Variants in ERV3-1 observed in about 807,000 individuals in gnomAD.
ERV3-1 encodes the protein endogenous retrovirus group 3 member 1, envelope.
ERV3-1 carries 36 observed loss-of-function variants against 24.6 expected under a neutral mutation model. The ratio of observed to expected loss-of-function variants is 1.47; its 90% confidence interval spans 1.12 to 1.94. The LOEUF (loss-of-function observed/expected upper bound fraction) is 1.94, where lower values mean the gene tolerates loss of function less well. Among genes scored for constraint, ERV3-1 ranks in the 30% most tolerant of loss-of-function variants. The pLI is 0.00. For synonymous variants in ERV3-1, 211 were observed against 122.6 expected, an observed-to-expected ratio of 1.72 and a Z score of -4.76; for missense variants, 578 against 330.9, an observed-to-expected ratio of 1.75 and a Z score of -5.79.
chr7:64,995,589 C>G (rs895503757), intron 1 of ERV3-1, among the ~76,000 whole-genome samples: 2 of 152,178 alleles, frequency 1.3e-5, no homozygotes, highest in East Asian at 3.9e-4. Context: ...CCCTGCTGCC[C>G]CTAAGAATTC....
rs146918419 is a variant in ERV3-1 at position 64,999,459 on chromosome 7, G to A, written c.-388-6045C>T. On this transcript the variant is annotated intron_variant, in intron 1 of 1. Transcript: ENST00000394323. ...AGGCTGAGCCCTGAACAATGACAGGGCTTGACTTTTATACATGCAACCAAC... is the reference window on the plus strand; with the variant it reads ...AGGCTGAGCCCTGAACAATGACAGGACTTGACTTTTATACATGCAACCAAC... 4.3e-3 allele frequency among the ~76,000 whole-genome samples: 657 copies of A among 152,332 alleles called. 6 individuals carry two copies. Among genetic ancestry groups the A allele is most frequent in the Middle Eastern group, 0.02 (6 of 294 alleles).
In ERV3-1 at chr7:65,006,685, G is replaced by T. The variant is rs1786660263; in HGVS notation, c.-533C>A. On this transcript the variant is annotated 5_prime_UTR_variant, in exon 1 of 2. Coordinates refer to ENST00000394323, the MANE Select transcript of ERV3-1 (RefSeq NM_001007253.4). Reference sequence around the variant, plus strand: ...ACCAGAAGCTCCGGCTGCCGCCAGAGACAAAGGCCCCACCAAACCCGGAAG... The same window carrying T: ...ACCAGAAGCTCCGGCTGCCGCCAGATACAAAGGCCCCACCAAACCCGGAAG... The T allele has an allele frequency of 1.4e-6, 2 of 1,451,670 alleles. No individual in the cohort carries two copies. Among genetic ancestry groups the T allele is most frequent in the Non-Finnish European group, 1.9e-6 (2 of 1,041,098 alleles). 89.9% of individuals were successfully genotyped at this position (1,451,670 alleles called of 1,614,324 possible).
intron 1 of ERV3-1, among the ~76,000 whole-genome samples, chr7:64,996,418 C>T (rs1051286814): frequency 2.0e-5 from 3 of 152,200 alleles, no homozygotes; most frequent in Non-Finnish European, 4.4e-5. Context: ...TCAGCCCATA[C>T]TCCAGGAATT....
chr7:64,998,016 G>C (rs1029026978), intron 1 of ERV3-1, among the ~76,000 whole-genome samples: 23 of 152,260 alleles, frequency 1.5e-4, no homozygotes, highest in African/African-American at 4.6e-4. Context: ...TGATCATCCT[G>C]ACTTTCCTTC....
chr7:64,997,944 C>T (rs1786439951), intron 1 of ERV3-1, among the ~76,000 whole-genome samples: 1 of 152,118 alleles, frequency 6.6e-6, no homozygotes, highest in African/African-American at 2.4e-5. Flanking sequence ...TAGATAGGTC[C>T]CCGTGTTTCA....
intron 1 of ERV3-1, among the ~76,000 whole-genome samples, chr7:64,995,309 G>A (rs1317718866): frequency 6.6e-6 from 1 of 152,202 alleles, no homozygotes; most frequent in Non-Finnish European, 1.5e-5. Flanking sequence ...TCAACTGTTT[G>A]GATAAGTACA....
chr7:65,003,908 T>C (rs968225334), intron 1 of ERV3-1: 3 of 152,192 alleles, frequency 2.0e-5, no homozygotes, highest in Non-Finnish European at 2.9e-5. Context: ...TTTTCATGAA[T>C]GTAACTCACC....
At chr7:65,003,550 A>G (rs1786568490) in intron 1 of ERV3-1, 1 of 152,200 alleles carries the variant, frequency 6.6e-6, no homozygotes, top group Non-Finnish European at 1.5e-5. Context: ...GCTTGGGGTC[A>G]CTGGGCACAA....
intron 1 of ERV3-1, among the ~76,000 whole-genome samples, chr7:64,998,927 C>A (rs1447609616): frequency 6.6e-6 from 1 of 152,196 alleles, no homozygotes; most frequent in African/African-American, 2.4e-5. Flanking sequence ...TCACACACCT[C>A]CCCACTTCCA....
intron 1 of ERV3-1, among the ~76,000 whole-genome samples, chr7:64,997,430 C>A (rs1026259758): frequency 6.6e-6 from 1 of 152,188 alleles, no homozygotes; most frequent in Non-Finnish European, 1.5e-5. Context: ...AGCTAGAATG[C>A]TTTACAGAGT....
rs73365370 is a variant in ERV3-1, at chr7:64,992,551, T to A, written c.476A>T (p.Asp159Val). 4.3e-3 allele frequency: 3,258 copies of A among 766,392 alleles called. 70 individuals carry two copies. In the African/African-American group the frequency reaches 0.047, roughly 11 times the overall value. 47.5% of individuals were successfully genotyped at this position (766,392 alleles called of 1,614,324 possible). Residue 159 changes from aspartate (D) to valine (V), a missense_variant, in exon 2 of 2, where the codon GAT becomes GTT. Physicochemically the swap from Asp to Val is radical, Grantham distance 152. Coordinates refer to ENST00000394323, the MANE Select transcript of ERV3-1 (RefSeq NM_001007253.4). ...NRYAHPACST[D>V]SPVTTCWDCT... The stretch of plus-strand genomic sequence containing the variant: ...GTCCCAGCAAGTTGTTACTGGGGAA[T>A]CGGTGGAACAAGCAGGGTGTGCATA...
intron 1 of ERV3-1, among the ~76,000 whole-genome samples, chr7:64,994,110 G>GTT (rs1786349151): frequency 1.3e-5 from 2 of 152,188 alleles, no homozygotes; most frequent in Non-Finnish European, 2.9e-5. Flanking sequence ...AGGCAACTCT[G>GTT]TAAGTCCATA....
rs780178349 is a variant in ERV3-1, at chr7:64,993,027, G to A, written c.-1C>T. ...TGAGTAGCATGTTCATACCCAGCAT[G>A]GACAGAAAAGGCTTTTTCCTGGGGG... On this transcript the variant is annotated 5_prime_UTR_variant, in exon 2 of 2. Transcript: ENST00000394323. The A allele has an allele frequency of 1.4e-6, 1 of 739,364 alleles. No individual in the cohort carries two copies. Among genetic ancestry groups the A allele is most frequent in the Non-Finnish European group, 2.5e-6 (1 of 400,200 alleles). The allele number at this position is 739,364 out of a possible 1,614,324, so 45.8% of individuals were successfully genotyped here.
chr7:64,992,360 G>A lies in ERV3-1; in HGVS notation c.667C>T (p.Arg223Ter), dbSNP rs67047829. The A allele has an allele frequency of 0.1, 77,989 of 766,268 alleles. 4,833 individuals carry two copies. Among genetic ancestry groups the A allele is most frequent in the East Asian group, 0.18 (7,546 of 41,234 alleles). 47.5% of individuals were successfully genotyped at this position (766,268 alleles called of 1,614,324 possible). A position where few individuals can be genotyped will look rare whatever the true frequency, so the allele number is the denominator to read the frequency against. The change falls in exon 2 of 2, where the codon CGA becomes TGA. Residue 223 changes from arginine to a stop codon, truncating the protein, a stop_gained. Coordinates refer to ENST00000394323, the MANE Select transcript of ERV3-1 (RefSeq NM_001007253.4). LOFTEE classifies it high-confidence loss of function. Reference sequence around the variant, plus strand: ...GGGCCAATTTCTTCACCGCTGACTCGTGCCCCTAGCGGTGCTTTTAAACCT... The same window carrying A: ...GGGCCAATTTCTTCACCGCTGACTCATGCCCCTAGCGGTGCTTTTAAACCT... ...TTGLKAPLGA[R>*]VSGEEIGPGA...
At chr7:64,996,450 A>G (rs1381238828) in intron 1 of ERV3-1, among the ~76,000 whole-genome samples, 1 of 152,134 alleles carries the variant, frequency 6.6e-6, no homozygotes, top group Non-Finnish European at 1.5e-5. Context: ...CCTAAATAAT[A>G]ATTTCTCTTC....
chr7:65,002,170 G>C (rs1037461964), intron 1 of ERV3-1, among the ~76,000 whole-genome samples: 3 of 152,124 alleles, frequency 2.0e-5, no homozygotes. Flanking sequence ...GTGTTCTCCA[G>C]GAACAGTTTA....
chr7:65,005,881 G>T (rs1786636401), intron 1 of ERV3-1, among the ~76,000 whole-genome samples: 1 of 152,114 alleles, frequency 6.6e-6, no homozygotes, highest in South Asian at 2.1e-4. Flanking sequence ...TAAAATTCAG[G>T]CTTAACCAAC....
intron 1 of ERV3-1, among the ~76,000 whole-genome samples, chr7:65,003,299 T>C (rs2129124573): frequency 6.6e-6 from 1 of 152,284 alleles, no homozygotes; most frequent in Non-Finnish European, 1.5e-5. Flanking sequence ...CTGGATAACA[T>C]GGTGAAACCT....
chr7:64,995,535 G>A (rs889169348), intron 1 of ERV3-1, among the ~76,000 whole-genome samples: 1 of 152,110 alleles, frequency 6.6e-6, no homozygotes, highest in South Asian at 2.1e-4. Flanking sequence ...TTCATATAAG[G>A]GCCTGGCTAT....
Sources: gnomAD v4.1 joint callset for allele counts (sites outside exome capture counted in the v4.1 genomes callset) on GRCh38, gnomAD v4.1.1 for gene constraint, MANE v1.5 for transcripts, NCBI Gene and HGNC (gene_info 2026-07-23, HGNC 2026-07-21) for gene names.